Variants in RNF31 observed in about 807,000 individuals in gnomAD.
RNF31 encodes the protein ring finger protein 31.
RNF31 carries 38 observed loss-of-function variants against 133.6 expected under a neutral mutation model. The ratio of observed to expected loss-of-function variants is 0.28; its 90% CI spans 0.22 to 0.37. The LOEUF is 0.37. Ranked by LOEUF, RNF31 falls within the 10% of genes least tolerant of loss-of-function variation. The pLI is 1.00. For synonymous variants in RNF31, 582 were observed against 552.3 expected (o/e 1.05, Z -0.75); for missense variants, 1,118 against 1,394.1 (o/e 0.80, Z 3.15).
chr14:24,150,728 A>G lies in RNF31; in HGVS notation c.1328A>G (p.His443Arg). Residue 443 changes from histidine to arginine, a missense_variant, in exon 8 of 21, where the codon CAT (histidine) becomes CGT (arginine). Around this residue, in one of 3 missense-constraint regions of RNF31, gnomAD observed 747 missense variants for 827.9 expected, o/e 0.90. Coordinates refer to ENST00000324103, the MANE Select transcript of RNF31 (RefSeq NM_017999.5). ...ACTAGTAGCCCCATTCCAGCACAAC[A>G]TGCCCCCCGGCCCTATGCCAGCTCT... ...NRTSSPIPAQ[H>R]APRPYASSLE... 2 of 1,613,974 alleles carry G rather than the reference A, an allele frequency of 1.2e-6. No homozygotes were observed. Among genetic ancestry groups the G allele is most frequent in the Non-Finnish European group, 1.7e-6 (2 of 1,179,988 alleles).
Position 24,150,409 on chromosome 14 carries a change from G to A in RNF31, c.1158G>A (p.Val386=), listed in dbSNP as rs750116096. 5.6e-6 allele frequency: 9 copies of A among 1,612,744 alleles called. No homozygotes were observed. The highest frequency in any genetic ancestry group is 4.0e-5 in the African/African-American group (3 of 74,908). The change falls in exon 7 of 21, where the codon GTG becomes GTA. Residue 386 remains valine (V), a synonymous_variant. Transcript: ENST00000324103. ...PRLAQPPSLV[V]DSRDAGICLQ... ...TGGCCCAGCCTCCCAGCTTGGTGGT[G>A]GATTCCCGAGATGCTGGCATTTGCC...
chr14:24,151,532 C>T lies in RNF31; in HGVS notation c.1785C>T (p.Leu595=). 6.2e-7 allele frequency: 1 copy of T among 1,614,226 alleles called. No homozygotes were observed. Among genetic ancestry groups the T allele is most frequent in the East Asian group, 2.2e-5 (1 of 44,888 alleles). The part of the protein sequence containing the change: ...SLGFGPEEGS[L]QALFQHGGDV... ...GCTTTGGGCCTGAGGAGGGGTCTCT[C>T]CAGGCATTGTTCCAGCACGGAGGTG... The change falls in exon 10 of 21, where the codon CTC becomes CTT. Residue 595 remains leucine, a synonymous_variant. Transcript: ENST00000324103. This position sits in a 1 kb window ranked among gnomAD's most constrained non-coding sequence, Gnocchi z 5.3.
In RNF31 at chr14:24,160,607, C is replaced by T. The variant is rs1171401803; in HGVS notation, c.*34C>T. The T allele has an allele frequency of 6.7e-7, 1 of 1,488,042 alleles. No individual in the cohort carries two copies. Among genetic ancestry groups the T allele is most frequent in the Non-Finnish European group, 9.0e-7 (1 of 1,114,032 alleles). The allele number at this position is 1,488,042 out of a possible 1,614,324, so 92.2% of individuals were successfully genotyped here. A position where few individuals can be genotyped will look rare whatever the true frequency, so the allele number is the denominator to read the frequency against. ...AAGGGTCCCGATGAGGGTCCCATGG[C>T]CTGCTCCCTCAGGAACAGCTCCAGC... On this transcript the variant is annotated 3_prime_UTR_variant, in exon 21 of 21. Coordinates refer to ENST00000324103, the MANE Select transcript of RNF31 (RefSeq NM_017999.5). The surrounding 1 kb of genome is among the most constrained non-coding windows in gnomAD (Gnocchi z 4.0).
chr14:24,159,584 C>CAAAAAAAAAAAAA (rs59295225), intron 18 of RNF31, among the ~76,000 whole-genome samples: 2 of 82,188 alleles, frequency 2.4e-5, no homozygotes, highest in Admixed American at 1.3e-4. Flanking sequence ...AAATAACAAC[C>CAAAAAAAAAAAAA]AAAAAAAAAA....
Position 24,160,302 on chromosome 14 carries a change from G to A in RNF31, c.3060G>A (p.Leu1020=). The change falls in exon 20 of 21, where the codon TTG becomes TTA. Residue 1020 remains leucine (L), a synonymous_variant. Transcript: ENST00000324103. The surrounding 1 kb of genome is among the most constrained non-coding windows in gnomAD (Gnocchi z 4.0). ...CCCACTCGCTGGACCCAGCCACCTT[G>A]TATGAGGTGGAAGAGCTGGAGACGG... ...INAHSLDPAT[L]YEVEELETAT... is the part of the protein sequence containing the mutation. 2 of 1,614,138 alleles carry A rather than the reference G, an allele frequency of 1.2e-6. No individual in the cohort carries two copies. Among genetic ancestry groups the A allele is most frequent in the Non-Finnish European group, 1.7e-6 (2 of 1,179,980 alleles).
At position 24,148,667 on chromosome 14, in the gene RNF31, T is replaced by C. The variant is rs1039972919; in HGVS notation, c.521T>C (p.Leu174Pro). 1 of 1,614,234 alleles carries C rather than the reference T, an allele frequency of 6.2e-7. No homozygotes were observed. The highest frequency in any genetic ancestry group is 8.5e-7 in the Non-Finnish European group (1 of 1,180,042). The change falls in exon 4 of 21, where the codon CTG (leucine) becomes CCG (proline). Residue 174 changes from leucine to proline, a missense_variant. Physicochemically the swap from Leu to Pro is moderately conservative, Grantham distance 98. Around this residue, in one of 3 missense-constraint regions of RNF31, gnomAD observed 747 missense variants for 827.9 expected, o/e 0.90. Transcript: ENST00000324103. ...LQNTHPRQQA[L>P]EQLLEDKVED... Reference sequence around the variant, plus strand: ...AATACTCATCCAAGACAGCAGGCACTGGAGCAGCTGTTGGAAGACAAGGTT... The same window carrying C: ...AATACTCATCCAAGACAGCAGGCACCGGAGCAGCTGTTGGAAGACAAGGTT...
At chr14:24,153,458 T>A (rs2038298469) in intron 11 of RNF31, among the ~76,000 whole-genome samples, 1 of 151,698 alleles carries the variant, frequency 6.6e-6, no homozygotes. Flanking sequence ...GCACCTGTAA[T>A]CCCAGCTACT....
At position 24,160,491 on chromosome 14, in the gene RNF31, A is replaced by G. The variant is rs764885716; in HGVS notation, c.3166-29A>G. 6 of 1,567,720 alleles carry G rather than the reference A, an allele frequency of 3.8e-6. No individual in the cohort carries two copies. The highest frequency in any genetic ancestry group is 4.5e-5 in the East Asian group (2 of 44,188). ...ACTGTGTCTGAGCTCCAGGCTTCCA[A>G]TATCATTACCTTCTCTCTCCTTCTG... On this transcript the variant is annotated intron_variant, in intron 20 of 20. Transcript: ENST00000324103. This position sits in a 1 kb window ranked among gnomAD's most constrained non-coding sequence, Gnocchi z 4.0.
chr14:24,151,674 C>G lies in RNF31; in HGVS notation c.1923+4C>G, dbSNP rs777922544. On this transcript the variant is annotated splice_donor_region_variant and intron_variant, in intron 10 of 20. Coordinates refer to ENST00000324103, the MANE Select transcript of RNF31 (RefSeq NM_017999.5). The surrounding 1 kb of genome is among the most constrained non-coding windows in gnomAD (Gnocchi z 5.3). Reference sequence around the variant, plus strand: ...CTGGGATGGGCCAGACAAGCAGGTGCTGGGAGGAGGCAAGAAGCCCAAGGG... The same window carrying G: ...CTGGGATGGGCCAGACAAGCAGGTGGTGGGAGGAGGCAAGAAGCCCAAGGG... 1 of 1,609,862 alleles carries G rather than the reference C, an allele frequency of 6.2e-7. No individual in the cohort carries two copies. The highest frequency in any genetic ancestry group is 1.1e-5 in the South Asian group (1 of 91,066).
In RNF31 at chr14:24,151,137, G is replaced by A. The variant is rs1244420433; in HGVS notation, c.1495G>A (p.Glu499Lys). Residue 499 changes from glutamate (E) to lysine (K), a missense_variant, in exon 9 of 21, where the codon GAA becomes AAA. Coordinates refer to ENST00000324103, the MANE Select transcript of RNF31 (RefSeq NM_017999.5). This position sits in a 1 kb window ranked among gnomAD's most constrained non-coding sequence, Gnocchi z 5.3. ...LQLVSMIREG[E>K]AAGACPEEIF... ...GGGCGGGACTGTGCCTTAGGAAGGG[G>A]AAGCCGCAGGTGCCTGTCCAGAGGA... 1 of 1,613,768 alleles carries A rather than the reference G, an allele frequency of 6.2e-7. No homozygotes were observed. The highest frequency in any genetic ancestry group is 8.5e-7 in the Non-Finnish European group (1 of 1,179,886).
In RNF31 at chr14:24,147,855, G is replaced by A. The variant is rs903303343; in HGVS notation, c.157G>A (p.Ala53Thr). ...AGCCGCCCGCTACCTGCAGCTGGACGCCGCACGCCTTGTCCGCTGCAACGC... is the reference window on the plus strand; with the variant it reads ...AGCCGCCCGCTACCTGCAGCTGGACACCGCACGCCTTGTCCGCTGCAACGC... ...PLAARYLQLD[A>T]ARLVRCNAHG... Residue 53 changes from alanine to threonine, a missense_variant, in exon 1 of 21, where the codon GCC becomes ACC. Around this residue, in one of 3 missense-constraint regions of RNF31, gnomAD observed 747 missense variants for 827.9 expected, o/e 0.90. Transcript: ENST00000324103. 1 of 1,610,464 alleles carries A rather than the reference G, an allele frequency of 6.2e-7. No individual in the cohort carries two copies.
Position 24,159,947 on chromosome 14 carries a change from G to A in RNF31, c.2983G>A (p.Ala995Thr). The change falls in exon 19 of 21, where the codon GCC (alanine) becomes ACC (threonine). Residue 995 changes from alanine (A) to threonine (T), a missense_variant. By Grantham distance (58) the Ala-to-Thr change is moderately conservative. This residue lies in a region of RNF31 where 170 missense variants were observed against 194.5 expected (regional missense o/e 0.87). Coordinates refer to ENST00000324103, the MANE Select transcript of RNF31 (RefSeq NM_017999.5). The stretch of plus-strand genomic sequence containing the variant: ...TGGCAAGGAAACTCCAGCTGGCTAT[G>A]CCGGCCTGTGCCAGTGAGTGCCAGC... ...ACGKETPAGY[A>T]GLCQAHYKEY... The A allele has an allele frequency of 6.2e-7, 1 of 1,613,684 alleles. No individual in the cohort carries two copies. The highest frequency in any genetic ancestry group is 8.5e-7 in the Non-Finnish European group (1 of 1,180,000).
rs2038331056 is a variant in RNF31 at position 24,155,617 on chromosome 14, C to T, written c.2418C>T (p.Phe806=). Residue 806 remains phenylalanine, a synonymous_variant, in exon 14 of 21, where the codon TTC becomes TTT. Transcript: ENST00000324103. This position sits in a 1 kb window ranked among gnomAD's most constrained non-coding sequence, Gnocchi z 4.9. ...TGCACTTCCAGTGCTCCTTTGGCTT[C>T]ATATATGAGCGTGAGCAGCTGGAGG... The part of the protein sequence containing the change: ...FLWCAQCSFG[F]IYEREQLEAT... 1.2e-6 allele frequency: 2 copies of T among 1,614,068 alleles called. No homozygotes were observed. The highest frequency in any genetic ancestry group is 1.3e-5 in the African/African-American group (1 of 74,938).
At chr14:24,156,439 G>C (rs1013697068) in intron 14 of RNF31, among the ~76,000 whole-genome samples, 4 of 152,128 alleles carry the variant, frequency 2.6e-5, no homozygotes, top group Non-Finnish European at 4.4e-5. Flanking sequence ...AAAGTACTGG[G>C]ATTACAGGCA....
chr14:24,148,573 C>T, intron 3 of RNF31, 69 bp from the exon 4 acceptor site: 1 of 1,587,306 alleles, frequency 6.3e-7, no homozygotes, highest in African/African-American at 1.3e-5. Context: ...TGTTAAGGGA[C>T]CAGGGCTTAG....
chr14:24,155,482 G>T lies in RNF31; in HGVS notation c.2373G>T (p.Met791Ile). 1 of 1,614,196 alleles carries T rather than the reference G, an allele frequency of 6.2e-7. No individual in the cohort carries two copies. Among genetic ancestry groups the T allele is most frequent in the Non-Finnish European group, 8.5e-7 (1 of 1,180,046 alleles). ...AGAAGCTGACCGAGGGTGTGCTGAT[G>T]CGGGACCCCAAGTTCTTGTGGTGTG... ...FHKKLTEGVLMRDPKFLWCAQ... is the reference protein window; with the variant it reads ...FHKKLTEGVLIRDPKFLWCAQ... Residue 791 changes from methionine to isoleucine, a missense_variant, in exon 13 of 21, where the codon ATG becomes ATT. This residue lies in a region of RNF31 where 201 missense variants were observed against 371.7 expected (regional missense o/e 0.54). Transcript: ENST00000324103. This position sits in a 1 kb window ranked among gnomAD's most constrained non-coding sequence, Gnocchi z 4.9.
At chr14:24,149,239 C>T (rs1409863732) in intron 5 of RNF31, 167 bp from the exon 6 acceptor site, 1 of 710,268 alleles carries the variant, frequency 1.4e-6, no homozygotes, top group Admixed American at 2.9e-5. Flanking sequence ...CTAAGATTAC[C>T]TGCATGAGCC....
At position 24,150,826 on chromosome 14, in the gene RNF31, C is replaced by A; in HGVS notation, c.1426C>A (p.Pro476Thr). The stretch of plus-strand genomic sequence containing the variant: ...CCCCCTGCCCAGTTCCTGTGGAGAT[C>A]CTGAGAAGCAGCGCCAAGACAAGAT... ...SAPLPSSCGD[P>T]EKQRQDKMRE... The change falls in exon 8 of 21, where the codon CCT becomes ACT. Residue 476 changes from proline to threonine, a missense_variant. Around this residue, in one of 3 missense-constraint regions of RNF31, gnomAD observed 747 missense variants for 827.9 expected, o/e 0.90. Transcript: ENST00000324103. The A allele has an allele frequency of 6.3e-7, 1 of 1,591,420 alleles. No homozygotes were observed.
rs1214683145 is a variant in RNF31, at chr14:24,151,572, C to G, written c.1825C>G (p.Leu609Val). ...GCACGGAGGTGATGTGTCACGGGCC[C>G]TGACTGAGCTACAGCGCCAACGCCT... ...FQHGGDVSRA[L>V]TELQRQRLEP... is the part of the protein sequence containing the mutation. Residue 609 changes from leucine (L) to valine (V), a missense_variant, in exon 10 of 21, where the codon CTG (leucine) becomes GTG (valine). This residue lies in a region of RNF31 where 747 missense variants were observed against 827.9 expected (regional missense o/e 0.90). Transcript: ENST00000324103. This position sits in a 1 kb window ranked among gnomAD's most constrained non-coding sequence, Gnocchi z 5.3. The G allele has an allele frequency of 6.2e-7, 1 of 1,614,190 alleles. No homozygotes were observed. Among genetic ancestry groups the G allele is most frequent in the East Asian group, 2.2e-5 (1 of 44,886 alleles).
Sources: allele counts gnomAD v4.1 joint callset (sites outside exome capture counted in the v4.1 genomes callset), GRCh38; gene constraint gnomAD v4.1.1; regional missense constraint gnomAD v4.1.1; non-coding constraint Gnocchi (gnomAD v3.1); transcripts MANE v1.5; gene names NCBI Gene and HGNC (gene_info 2026-07-23, HGNC 2026-07-21).